LUC7L2: variants seen among roughly 807,000 people sequenced by gnomAD.
The protein encoded by LUC7L2 is putative RNA-binding protein Luc7-like 2.
LUC7L2 carries 25 observed loss-of-function variants against 52.8 expected under a neutral mutation model. The observed-to-expected ratio is 0.47, with a 90% confidence interval of 0.34 to 0.66. The LOEUF is 0.66. Among genes scored for constraint, LUC7L2 ranks in the 30% least tolerant of loss-of-function variants. LUC7L2 has a pLI of 0.01. For missense variants in LUC7L2, 328 were observed against 497.8 expected (o/e 0.66, Z 3.25); for synonymous variants, 144 against 160.9 (o/e 0.89, Z 0.80).
intron 6 of LUC7L2, 57 bp from the exon 7 acceptor site, chr7:139,409,506 A>G: frequency 6.5e-7 from 1 of 1,544,238 alleles, no homozygotes; most frequent in African/African-American, 1.4e-5. Flanking sequence ...AGTTTAGGAT[A>G]AAGCTGTTTA....
rs369829442 is a variant in LUC7L2, at chr7:139,422,272, T to C, written c.1111T>C (p.Tyr371His). 6 of 1,614,068 alleles carry C rather than the reference T, an allele frequency of 3.7e-6. No homozygotes were observed. The highest frequency in any genetic ancestry group is 5.1e-6 in the Non-Finnish European group (6 of 1,180,036). ...AGATCGGAAAGATAAGAAGCGGTCC[T>C]ATGAGAGTGCTAATGGCAGATCAGA... ...DRDRKDKKRS[Y>H]ESANGRSEDR... The change falls in exon 10 of 10, where the codon TAT becomes CAT. Residue 371 changes from tyrosine to histidine, a missense_variant. Coordinates refer to ENST00000354926, the MANE Select transcript of LUC7L2 (RefSeq NM_016019.5).
intron 1 of LUC7L2, among the ~76,000 whole-genome samples, chr7:139,362,414 G>A (rs552769070): frequency 6.6e-6 from 1 of 152,038 alleles, no homozygotes; most frequent in African/African-American, 2.4e-5. Flanking sequence ...TCAACTTCAA[G>A]TTACCCAGGG....
chr7:139,350,883 C>T (rs1799436570), intron 1 of LUC7L2, among the ~76,000 whole-genome samples: 7 of 152,056 alleles, frequency 4.6e-5, no homozygotes, highest in Admixed American at 2.6e-4. Flanking sequence ...ACCATGTTGG[C>T]CAGGCTGGTC....
At chr7:139,412,771 G>C (rs993136030) in intron 8 of LUC7L2, 191 bp downstream of exon 8, 2 of 409,338 alleles carry the variant, frequency 4.9e-6, no homozygotes, top group African/African-American at 4.3e-5. Flanking sequence ...GTTGCAGTGA[G>C]CCAAGATAGC....
intron 4 of LUC7L2, among the ~76,000 whole-genome samples, chr7:139,403,237 A>T (rs1794993402): frequency 6.6e-6 from 1 of 152,188 alleles, no homozygotes. Flanking sequence ...GTTAACAGTA[A>T]TTTTTTAATG....
At chr7:139,375,409 A>G (rs1004096481) in intron 1 of LUC7L2, 2 of 985,416 alleles carry the variant, frequency 2.0e-6, no homozygotes, top group Non-Finnish European at 2.4e-6. Context: ...TTAACGTTTC[A>G]TTAGGCAATG....
intron 1 of LUC7L2, chr7:139,340,631 A>C (rs957482732): frequency 2.5e-6 from 1 of 396,658 alleles, no homozygotes; most frequent in African/African-American, 2.1e-5. Context: ...TAAGGCGAAA[A>C]TGAAGTGACG....
chr7:139,412,405 T>C, intron 7 of LUC7L2, 146 bp from the exon 8 acceptor site: 1 of 947,160 alleles, frequency 1.1e-6, no homozygotes, highest in Non-Finnish European at 1.5e-6. Flanking sequence ...TTGTGGTGTC[T>C]TTTGGAAAAT....
intron 1 of LUC7L2, among the ~76,000 whole-genome samples, chr7:139,367,447 G>A (rs1246725055): frequency 6.6e-6 from 1 of 152,166 alleles, no homozygotes; most frequent in Non-Finnish European, 1.5e-5. Context: ...TAGGGTTCCT[G>A]TGCTAAAAAT....
intron 7 of LUC7L2, among the ~76,000 whole-genome samples, chr7:139,411,278 G>A (rs947919583): frequency 2.0e-5 from 3 of 152,092 alleles, no homozygotes; most frequent in Non-Finnish European, 1.5e-5. Context: ...TTGAATCTGT[G>A]AGCTTAAAGA....
At chr7:139,351,568 G>A (rs1395714455) in intron 1 of LUC7L2, among the ~76,000 whole-genome samples, 1 of 152,114 alleles carries the variant, frequency 6.6e-6, no homozygotes, top group African/African-American at 2.4e-5. Context: ...ATCTGTTCTT[G>A]TCATTCTACT....
At chr7:139,388,271 G>C (rs1026831399) in intron 2 of LUC7L2, among the ~76,000 whole-genome samples, 1 of 152,086 alleles carries the variant, frequency 6.6e-6, no homozygotes, top group African/African-American at 2.4e-5. Context: ...TCTAGGGTCA[G>C]AAATGGTTAT....
At chr7:139,346,411 A>G (rs1323714081) in intron 1 of LUC7L2, 1 of 152,180 alleles carries the variant, frequency 6.6e-6, no homozygotes, top group South Asian at 2.1e-4. Flanking sequence ...TCCTACACAT[A>G]TACAATTATA....
At chr7:139,394,777 AC>A (rs1235893288) in intron 2 of LUC7L2, among the ~76,000 whole-genome samples, 1 of 152,206 alleles carries the variant, frequency 6.6e-6, no homozygotes, top group Non-Finnish European at 1.5e-5. Context: ...TACTGAAATA[AC>A]CGGAACTAGC....
Position 139,417,614 on chromosome 7 carries a change from T to G in LUC7L2, c.886T>G (p.Ser296Ala). The change falls in exon 9 of 10, where the codon TCT becomes GCT. Residue 296 changes from serine to alanine, a missense_variant. Physicochemically the swap from Ser to Ala is moderately conservative, Grantham distance 99. Coordinates refer to ENST00000354926, the MANE Select transcript of LUC7L2 (RefSeq NM_016019.5). ...ACGCAAGAGGAGAACTCGATCCAAATCTCGGGAGAAACGCCATCGCCACAG... is the reference window on the plus strand; with the variant it reads ...ACGCAAGAGGAGAACTCGATCCAAAGCTCGGGAGAAACGCCATCGCCACAG... Reference protein sequence around the residue: ...RERKRRTRSKSREKRHRHRSR... With the variant: ...RERKRRTRSKAREKRHRHRSR... 6.2e-7 allele frequency: 1 copy of G among 1,614,008 alleles called. No homozygotes were observed. The highest frequency in any genetic ancestry group is 8.5e-7 in the Non-Finnish European group (1 of 1,180,022).
At chr7:139,398,007 G>A (rs1324955970) in intron 2 of LUC7L2, among the ~76,000 whole-genome samples, 1 of 152,012 alleles carries the variant, frequency 6.6e-6, no homozygotes, top group Non-Finnish European at 1.5e-5. Flanking sequence ...GTTTTGTTGT[G>A]GGTTTTTAAA....
chr7:139,400,749 T>C (rs1212867891), intron 3 of LUC7L2, among the ~76,000 whole-genome samples: 1 of 152,212 alleles, frequency 6.6e-6, no homozygotes, highest in African/African-American at 2.4e-5. Context: ...AGTCCATCTT[T>C]TCTCTCACTG....
chr7:139,345,723 G>T (rs760338623), intron 1 of LUC7L2: 4 of 1,609,374 alleles, frequency 2.5e-6, no homozygotes, highest in African/African-American at 2.7e-5. Context: ...AATATCCTTG[G>T]ATGCTGCATT....
intron 1 of LUC7L2, among the ~76,000 whole-genome samples, chr7:139,362,060 A>T (rs186853938): frequency 3.1e-4 from 47 of 151,800 alleles, no homozygotes; most frequent in Non-Finnish European, 6.0e-4. Context: ...AGAAACATGG[A>T]TTTCTTAAAA....
Sources: gnomAD v4.1 joint callset for allele counts (sites outside exome capture counted in the v4.1 genomes callset) on GRCh38, gnomAD v4.1.1 for gene constraint, MANE v1.5 for transcripts, NCBI Gene and HGNC (gene_info 2026-07-23, HGNC 2026-07-21) for gene names.